The following B3GALT1 variants were observed in gnomAD, a reference collection of about 807,000 sequenced individuals.
B3GALT1 encodes the protein beta-1,3-galactosyltransferase 1.
In B3GALT1, 10 loss-of-function variants were observed where a neutral mutation model predicts 23.2. The ratio of observed to expected loss-of-function variants is 0.43; its 90% CI spans 0.27 to 0.73. The LOEUF (loss-of-function observed/expected upper bound fraction) is 0.73, where lower values mean the gene tolerates loss of function less well. Among genes scored for constraint, B3GALT1 ranks in the 30% least tolerant of loss-of-function variants. The pLI is 0.21. For synonymous variants in B3GALT1, 156 were observed against 141.5 expected, an observed-to-expected ratio of 1.10 and a Z score of -0.73; for missense variants, 299 against 405.4, an observed-to-expected ratio of 0.74 and a Z score of 2.25.
At chr2:167,341,980 CG>C (rs1392948915) in intron 1 of B3GALT1, among the ~76,000 whole-genome samples, 1 of 152,200 alleles carries the variant, frequency 6.6e-6, no homozygotes, top group East Asian at 1.9e-4. Context: ...CTTGCCTGGC[CG>C]GACCATCCCT....
At chr2:167,678,537 T>C (rs893619543) in intron 3 of B3GALT1, among the ~76,000 whole-genome samples, 4 of 151,938 alleles carry the variant, frequency 2.6e-5, no homozygotes, top group Non-Finnish European at 4.4e-5. Context: ...CCCCATCTTA[T>C]ACATCTTACA....
intron 3 of B3GALT1, among the ~76,000 whole-genome samples, chr2:167,757,556 G>A (rs913850419): frequency 1.3e-5 from 2 of 152,102 alleles, no homozygotes; most frequent in Non-Finnish European, 2.9e-5. Flanking sequence ...AAAGGCATAG[G>A]TACCTTAGTC....
chr2:167,478,650 T>C (rs1231732097), intron 1 of B3GALT1, among the ~76,000 whole-genome samples: 1 of 152,072 alleles, frequency 6.6e-6, no homozygotes, highest in Non-Finnish European at 1.5e-5. Flanking sequence ...ATGTGCCATG[T>C]TGGTGTGCTG....
intron 3 of B3GALT1, among the ~76,000 whole-genome samples, chr2:167,701,737 A>T (rs1276072736): frequency 6.6e-6 from 1 of 152,240 alleles, no homozygotes; most frequent in East Asian, 1.9e-4. Flanking sequence ...ATGGAAGGCT[A>T]TCTTTTTCTT....
intron 3 of B3GALT1, among the ~76,000 whole-genome samples, chr2:167,763,981 G>A (rs1263582487): frequency 6.6e-6 from 1 of 152,128 alleles, no homozygotes; most frequent in African/African-American, 2.4e-5. Context: ...TTTTGGAAAT[G>A]AAATCACTCC....
intron 2 of B3GALT1, among the ~76,000 whole-genome samples, chr2:167,610,934 G>A (rs1412263512): frequency 2.9e-5 from 4 of 139,322 alleles, no homozygotes; most frequent in Non-Finnish European, 1.5e-5. Flanking sequence ...AAAAGAGAGA[G>A]AGAGAGAAAA....
At chr2:167,648,242 A>G (rs960169794) in intron 3 of B3GALT1, among the ~76,000 whole-genome samples, 4 of 152,166 alleles carry the variant, frequency 2.6e-5, no homozygotes, top group Non-Finnish European at 5.9e-5. Flanking sequence ...CTCTTATCAT[A>G]TGATAACCTT....
At chr2:167,667,463 T>C (rs373479134) in intron 3 of B3GALT1, among the ~76,000 whole-genome samples, 14 of 152,170 alleles carry the variant, frequency 9.2e-5, no homozygotes, top group South Asian at 2.1e-4. Context: ...ATCTTTGTGG[T>C]GTTCTCTGTA....
chr2:167,556,248 TA>T (rs1683848040), intron 2 of B3GALT1, among the ~76,000 whole-genome samples: 1 of 152,010 alleles, frequency 6.6e-6, no homozygotes, highest in Admixed American at 6.6e-5. Context: ...GAGGTTGAAT[TA>T]AAAAAATACT....
At chr2:167,454,198 TGTG>T (rs1486424825) in intron 1 of B3GALT1, among the ~76,000 whole-genome samples, 6 of 151,192 alleles carry the variant, frequency 4.0e-5, no homozygotes, top group Non-Finnish European at 7.4e-5. Context: ...AACAGGAAAG[TGTG>T]TGTGTGTGTG....
Position 167,566,316 on chromosome 2 carries a change from A to G in B3GALT1, c.-410+76039A>G, listed in dbSNP as rs142654057. Among the ~76,000 whole-genome samples the G allele has an allele frequency of 1.0e-2, 1,513 of 151,442 alleles. 21 individuals carry two copies. Among genetic ancestry groups the G allele is most frequent in the African/African-American group, 0.035 (1,434 of 41,178 alleles). The stretch of plus-strand genomic sequence containing the variant: ...ACTTGAACAATGAGAACACATGGAC[A>G]CAGGAAGGGGAACATCACACTCTGG... On this transcript the variant is annotated intron_variant, in intron 2 of 4. Transcript: ENST00000392690.
At chr2:167,530,439 T>G (rs1342619353) in intron 2 of B3GALT1, among the ~76,000 whole-genome samples, 1 of 152,194 alleles carries the variant, frequency 6.6e-6, no homozygotes, top group Non-Finnish European at 1.5e-5. Flanking sequence ...TAAACATTTC[T>G]AAAGGAAAGA....
At chr2:167,833,011 G>T (rs1193255867) in intron 4 of B3GALT1, among the ~76,000 whole-genome samples, 2 of 152,202 alleles carry the variant, frequency 1.3e-5, no homozygotes, top group Middle Eastern at 3.2e-3. Flanking sequence ...GAGCAAAAAG[G>T]TTTCTGCTCT....
intron 1 of B3GALT1, among the ~76,000 whole-genome samples, chr2:167,300,770 G>A (rs771955791): frequency 3.3e-5 from 5 of 152,158 alleles, no homozygotes; most frequent in Non-Finnish European, 5.9e-5. Context: ...CAGATGAAGG[G>A]AGGGTAAACA....
chr2:167,706,478 G>T (rs1574223545), intron 3 of B3GALT1, among the ~76,000 whole-genome samples: 1 of 152,156 alleles, frequency 6.6e-6, no homozygotes, highest in Non-Finnish European at 1.5e-5. Flanking sequence ...CTTATCAGAG[G>T]AAAACCAAAA....
At position 167,336,950 on chromosome 2, in the gene B3GALT1, T is replaced by C. The variant is rs535655876; in HGVS notation, c.-511+43616T>C. 3.9e-5 allele frequency among the ~76,000 whole-genome samples: 6 copies of C among 152,128 alleles called. No homozygotes were observed. In the South Asian group the frequency reaches 6.2e-4, roughly 16 times the overall value. On this transcript the variant is annotated intron_variant, in intron 1 of 4. Transcript: ENST00000392690. ...ACCTGGAAATCTCTACCTCAAACAG[T>C]TGGGTTATGGTGCAAACAACAGAAC...
chr2:167,830,185 A>T (rs1376778494), intron 4 of B3GALT1, among the ~76,000 whole-genome samples: 5 of 152,130 alleles, frequency 3.3e-5, no homozygotes, highest in Non-Finnish European at 2.9e-5. Flanking sequence ...ACTGAGCAGA[A>T]GTGAATTCTC....
chr2:167,441,497 G>C (rs11902523), intron 1 of B3GALT1, among the ~76,000 whole-genome samples: 2,297 of 152,198 alleles, frequency 0.015, 58 homozygotes, highest in African/African-American at 0.052. Context: ...TTTTTATACT[G>C]TTGTGAGTTC....
chr2:167,491,541 G>A (rs1378046369), intron 2 of B3GALT1, among the ~76,000 whole-genome samples: 1 of 148,996 alleles, frequency 6.7e-6, no homozygotes, highest in Non-Finnish European at 1.5e-5. Flanking sequence ...TGGGCTGGGT[G>A]CAGTGGCTTA....
Sources: gnomAD v4.1 joint callset for allele counts (sites outside exome capture counted in the v4.1 genomes callset) on GRCh38, gnomAD v4.1.1 for gene constraint, MANE v1.5 for transcripts, NCBI Gene and HGNC (gene_info 2026-07-23, HGNC 2026-07-21) for gene names.